The following PRLR variants were observed in gnomAD, a reference collection of about 807,000 sequenced individuals.
The protein encoded by PRLR is prolactin receptor, also known as hPRL receptor.
In PRLR, 13 loss-of-function variants were observed where a neutral mutation model predicts 40.2. The observed-to-expected ratio is 0.32, with a 90% CI of 0.21 to 0.51. The LOEUF is 0.51. Ranked by LOEUF, PRLR falls within the 20% of genes least tolerant of loss-of-function variation. The pLI is 0.97. For synonymous variants in PRLR, 269 were observed against 278.7 expected (o/e 0.97, Z 0.35); for missense variants, 656 against 747.3 (o/e 0.88, Z 1.42).
chr5:35,095,673 G>A (rs888673375), intron 2 of PRLR, among the ~76,000 whole-genome samples: 1 of 152,192 alleles, frequency 6.6e-6, no homozygotes, highest in Non-Finnish European at 1.5e-5. Context: ...TTCACAAGAG[G>A]ACACTTGCTC....
At chr5:35,082,516 T>TACG (rs1770586832) in intron 5 of PRLR, among the ~76,000 whole-genome samples, 1 of 129,620 alleles carries the variant, frequency 7.7e-6, no homozygotes, top group African/African-American at 3.8e-5. Context: ...ATACAAGTAA[T>TACG]ACCCCCATCT....
At chr5:35,085,356 A>G (rs1770781560) in intron 4 of PRLR, among the ~76,000 whole-genome samples, 1 of 152,228 alleles carries the variant, frequency 6.6e-6, no homozygotes, top group Admixed American at 6.5e-5. Context: ...AACAAAGTGC[A>G]GTCATTGGAA....
exon 9 of PRLR, chr5:35,049,260 C>T (rs1490862030): frequency 1.0e-5 from 7 of 703,034 alleles, no homozygotes; most frequent in Non-Finnish European, 1.6e-5. Flanking sequence ...TGTTGAGTTC[C>T]TGAATTCTGG....
intron 1 of PRLR, among the ~76,000 whole-genome samples, chr5:35,166,062 C>G (rs1332054370): frequency 6.6e-6 from 1 of 152,138 alleles, no homozygotes; most frequent in East Asian, 1.9e-4. Context: ...ATTTAGCATT[C>G]ATGTGTTGCA....
intron 1 of PRLR, among the ~76,000 whole-genome samples, chr5:35,154,620 C>T (rs1774433455): frequency 6.6e-6 from 1 of 152,006 alleles, no homozygotes; most frequent in Admixed American, 6.6e-5. Flanking sequence ...ACCACTTGAC[C>T]CAGCAATTCC....
At chr5:35,140,281 T>G (rs571779979) in intron 1 of PRLR, among the ~76,000 whole-genome samples, 1 of 152,374 alleles carries the variant, frequency 6.6e-6, no homozygotes, top group South Asian at 2.1e-4. Context: ...CTGAACTCTA[T>G]TATTCCTGAA....
intron 5 of PRLR, among the ~76,000 whole-genome samples, chr5:35,073,132 C>A (rs966134211): frequency 6.6e-6 from 1 of 152,082 alleles, no homozygotes; most frequent in Non-Finnish European, 1.5e-5. Context: ...CAGCTTATTT[C>A]CCTCAGCTGG....
intron 1 of PRLR, among the ~76,000 whole-genome samples, chr5:35,138,196 G>A (rs1773915830): frequency 6.6e-6 from 1 of 152,164 alleles, no homozygotes; most frequent in South Asian, 2.1e-4. Flanking sequence ...AATTCTATGC[G>A]AGAATTCTTC....
intron 1 of PRLR, among the ~76,000 whole-genome samples, chr5:35,130,990 G>T (rs1454193492): frequency 2.6e-5 from 4 of 152,164 alleles, no homozygotes; most frequent in African/African-American, 9.7e-5. Context: ...ATCTCAGAGG[G>T]AGCATGGCCC....
chr5:35,109,427 G>T (rs1428605038), intron 2 of PRLR, among the ~76,000 whole-genome samples: 1 of 152,120 alleles, frequency 6.6e-6, no homozygotes, highest in Admixed American at 6.6e-5. Context: ...AGAGCGAACT[G>T]GCAACCTACA....
At chr5:35,137,041 G>A (rs561617665) in intron 1 of PRLR, among the ~76,000 whole-genome samples, 11 of 152,060 alleles carry the variant, frequency 7.2e-5, no homozygotes, top group African/African-American at 2.2e-4. Context: ...AAAAAGTGAT[G>A]CTTCAATAAT....
At chr5:35,139,042 G>A (rs916703848) in intron 1 of PRLR, among the ~76,000 whole-genome samples, 1 of 152,162 alleles carries the variant, frequency 6.6e-6, no homozygotes, top group African/African-American at 2.4e-5. Flanking sequence ...ATTTGATATG[G>A]GAGAGGGAAT....
At chr5:35,213,952 A>G (rs148904113) in intron 1 of PRLR, among the ~76,000 whole-genome samples, 1 of 151,972 alleles carries the variant, frequency 6.6e-6, no homozygotes, top group African/African-American at 2.4e-5. Context: ...GTGTCTGCAG[A>G]CTCTCTTCTC....
intron 1 of PRLR, among the ~76,000 whole-genome samples, chr5:35,120,738 C>T (rs1472877832): frequency 6.6e-6 from 1 of 152,200 alleles, no homozygotes; most frequent in Non-Finnish European, 1.5e-5. Context: ...TCTACATTAG[C>T]TCCCACTTGG....
chr5:35,205,516 C>G (rs548878355), intron 1 of PRLR, among the ~76,000 whole-genome samples: 7 of 149,140 alleles, frequency 4.7e-5, no homozygotes, highest in African/African-American at 1.7e-4. Context: ...CCATTTCAAA[C>G]AAGCACAGCA....
chr5:35,138,322 T>C (rs1773918619), intron 1 of PRLR, among the ~76,000 whole-genome samples: 3 of 152,240 alleles, frequency 2.0e-5, no homozygotes, highest in Admixed American at 2.0e-4. Flanking sequence ...ACTGTACACT[T>C]AAGAATAGTT....
chr5:35,133,246 T>A lies in PRLR; in HGVS notation c.-105-15124A>T, dbSNP rs554070638. On this transcript the variant is annotated intron_variant, in intron 1 of 9. Coordinates refer to ENST00000618457, the MANE Select transcript of PRLR (RefSeq NM_000949.7). ...CACTGGCTTTCCTGGGGCTCCAGCT[T>A]GCAGACGGCACATAATAGGACTTCT... is the stretch of plus-strand genomic sequence containing the variant. 1.1e-4 allele frequency among the ~76,000 whole-genome samples: 17 copies of A among 152,312 alleles called. 1 individual carries two copies. The East Asian group carries it at 3.3e-3, about 29-fold the overall frequency.
At chr5:35,127,304 A>G (rs1773503568) in intron 1 of PRLR, among the ~76,000 whole-genome samples, 2 of 152,204 alleles carry the variant, frequency 1.3e-5, no homozygotes, top group African/African-American at 4.8e-5. Context: ...AGTCATTCAA[A>G]TGTTATTTTA....
At chr5:35,178,212 A>C (rs559098362) in intron 1 of PRLR, among the ~76,000 whole-genome samples, 62 of 152,172 alleles carry the variant, frequency 4.1e-4, no homozygotes, top group African/African-American at 1.4e-3. Context: ...AATTTTTGCG[A>C]CTCAGTTGCA....
Sources: gnomAD v4.1 joint callset for allele counts (sites outside exome capture counted in the v4.1 genomes callset) on GRCh38, gnomAD v4.1.1 for gene constraint, MANE v1.5 for transcripts, NCBI Gene and HGNC (gene_info 2026-07-23, HGNC 2026-07-21) for gene names.